Variants in SYN3 observed in about 807,000 individuals in gnomAD.
The protein encoded by SYN3 is synapsin III, also known as synapsin-3.
In SYN3, 35 loss-of-function variants were observed where a neutral mutation model predicts 65.8. The observed-to-expected ratio is 0.53, with a 90% CI of 0.41 to 0.70. SYN3 has a LOEUF of 0.70. SYN3 is among the 30% of genes least tolerant of loss of function. The pLI is 0.00. For synonymous variants in SYN3, 270 were observed against 292.9 expected (o/e 0.92, Z 0.80); for missense variants, 680 against 749.0 (o/e 0.91, Z 1.08).
At chr22:33,013,905 C>T (rs1212912510) in intron 1 of SYN3, among the ~76,000 whole-genome samples, 1 of 151,788 alleles carries the variant, frequency 6.6e-6, no homozygotes, top group East Asian at 1.9e-4. Flanking sequence ...GAATTTTCCC[C>T]TCCTTTTTTT....
chr22:32,998,776 TAAAAAAAAAAAA>T (rs34372968), intron 2 of SYN3, among the ~76,000 whole-genome samples: 3 of 82,008 alleles, frequency 3.7e-5, no homozygotes, highest in Non-Finnish European at 6.9e-5. Context: ...ATAGAAATAG[TAAAAAAAAAAAA>T]AAAAAAAAAA....
At chr22:32,928,814 T>A (rs984348817) in intron 4 of SYN3, among the ~76,000 whole-genome samples, 3 of 152,230 alleles carry the variant, frequency 2.0e-5, no homozygotes, top group African/African-American at 7.2e-5. Flanking sequence ...TCTCCTAGAA[T>A]CTAACAGTCT....
chr22:32,848,020 ACT>A (rs2048118354), intron 6 of SYN3, among the ~76,000 whole-genome samples: 1 of 151,904 alleles, frequency 6.6e-6, no homozygotes, highest in Admixed American at 6.6e-5. Flanking sequence ...AATGAATGTT[ACT>A]CTCTGCAATT....
At chr22:32,624,567 A>C (rs2059639341) in intron 6 of SYN3, among the ~76,000 whole-genome samples, 1 of 152,240 alleles carries the variant, frequency 6.6e-6, no homozygotes, top group South Asian at 2.1e-4. Flanking sequence ...CCTGTCCAAC[A>C]GTACTCTGAT....
intron 6 of SYN3, among the ~76,000 whole-genome samples, chr22:32,632,857 C>G (rs533929363): frequency 4.6e-5 from 7 of 152,268 alleles, no homozygotes; most frequent in African/African-American, 1.7e-4. Context: ...TTTGCAAGAC[C>G]CGGGGACCGC....
chr22:32,963,119 C>T (rs2051712175), intron 3 of SYN3, among the ~76,000 whole-genome samples: 1 of 151,042 alleles, frequency 6.6e-6, no homozygotes, highest in African/African-American at 2.4e-5. Context: ...CTCCATCACC[C>T]AGGCTGGACA....
chr22:32,753,674 G>A (rs560920542), intron 6 of SYN3, among the ~76,000 whole-genome samples: 1 of 152,396 alleles, frequency 6.6e-6, no homozygotes, highest in African/African-American at 2.4e-5. Context: ...ATTCTTGGGT[G>A]TTGATTTATC....
At chr22:32,771,638 A>G (rs2045773219) in intron 6 of SYN3, among the ~76,000 whole-genome samples, 2 of 152,226 alleles carry the variant, frequency 1.3e-5, no homozygotes, top group Admixed American at 1.3e-4. Context: ...ATGCCCAAAT[A>G]CATCTACATC....
At chr22:32,873,821 ACACCTGTCAACAT>A (rs1461124714) in intron 4 of SYN3, among the ~76,000 whole-genome samples, 2 of 152,102 alleles carry the variant, frequency 1.3e-5, no homozygotes, top group African/African-American at 4.8e-5. Flanking sequence ...GGGAGGCAAG[ACACCTGTCAACAT>A]TAGATGAGTC....
chr22:32,823,927 G>A (rs1300193511), intron 6 of SYN3, among the ~76,000 whole-genome samples: 2 of 152,130 alleles, frequency 1.3e-5, no homozygotes, highest in African/African-American at 4.8e-5. Context: ...TAAGGGTCAT[G>A]GAGTGACATC....
intron 7 of SYN3, among the ~76,000 whole-genome samples, chr22:32,577,189 C>T (rs1569056581): frequency 1.3e-5 from 2 of 152,178 alleles, no homozygotes; most frequent in African/African-American, 2.4e-5. Flanking sequence ...TCGCTGCTTC[C>T]CCCCATTCTG....
intron 9 of SYN3, among the ~76,000 whole-genome samples, chr22:32,535,850 C>G (rs1386782419): frequency 1.3e-5 from 2 of 152,150 alleles, no homozygotes; most frequent in African/African-American, 4.8e-5. Flanking sequence ...ATTGGTTTTG[C>G]CCAGGAGTCA....
chr22:32,927,164 A>C (rs1277819712), intron 4 of SYN3, among the ~76,000 whole-genome samples: 1 of 152,198 alleles, frequency 6.6e-6, no homozygotes, highest in Non-Finnish European at 1.5e-5. Flanking sequence ...ATATCAGATC[A>C]GACCTGCTGT....
At chr22:32,813,513 AC>A (rs1569244199) in intron 6 of SYN3, among the ~76,000 whole-genome samples, 5 of 150,092 alleles carry the variant, frequency 3.3e-5, no homozygotes, top group African/African-American at 1.3e-4. Flanking sequence ...ACACACACAC[AC>A]ACACACACAC....
chr22:32,671,674 CTCACACAGGTACACACACGCTG>C (rs2060369723), intron 6 of SYN3, among the ~76,000 whole-genome samples: 2 of 151,254 alleles, frequency 1.3e-5, no homozygotes, highest in African/African-American at 4.9e-5. Context: ...CACACACGCT[CTCACACAGGTACACACACGCTG>C]TCACACAGGT....
intron 6 of SYN3, among the ~76,000 whole-genome samples, chr22:32,828,453 C>T (rs242082): frequency 0.38 from 57,872 of 152,154 alleles, 11,193 homozygotes; most frequent in East Asian, 0.5. Flanking sequence ...GAGATCCAAT[C>T]CCTGGCTGGG....
At chr22:32,825,322 A>G (rs992568526) in intron 6 of SYN3, among the ~76,000 whole-genome samples, 1 of 152,114 alleles carries the variant, frequency 6.6e-6, no homozygotes, top group Non-Finnish European at 1.5e-5. Context: ...AAGAGGAGAG[A>G]ACTTCTAGAT....
At chr22:33,005,962 A>G (rs753145335) in intron 2 of SYN3, among the ~76,000 whole-genome samples, 34 of 152,230 alleles carry the variant, frequency 2.2e-4, no homozygotes, top group Admixed American at 1.9e-3. Flanking sequence ...ACTATACTCC[A>G]TATCAAACAC....
chr22:33,003,651 G>C (rs1441999747), intron 2 of SYN3, among the ~76,000 whole-genome samples: 1 of 152,174 alleles, frequency 6.6e-6, no homozygotes, highest in African/African-American at 2.4e-5. Flanking sequence ...AGAGGAAGCA[G>C]AGCATAAAAG....
Sources: gnomAD v4.1 joint callset for allele counts (sites outside exome capture counted in the v4.1 genomes callset) on GRCh38, gnomAD v4.1.1 for gene constraint, MANE v1.5 for transcripts, NCBI Gene and HGNC (gene_info 2026-07-23, HGNC 2026-07-21) for gene names.